CDH18: variants seen among roughly 807,000 people sequenced by gnomAD.
The protein encoded by CDH18 is cadherin 18.
A neutral mutation model predicts 67.9 loss-of-function variants in CDH18; 31 were observed. The observed-to-expected ratio is 0.46, with a 90% CI of 0.34 to 0.62. The LOEUF is 0.62. Ranked by LOEUF, CDH18 falls within the 20% of genes least tolerant of loss-of-function variation. The probability of loss-of-function intolerance (pLI) is 0.01; values close to 1 mark genes in which losing one functional copy is unlikely to be tolerated. For synonymous variants in CDH18, 362 were observed against 347.2 expected (o/e 1.04, Z -0.48); for missense variants, 890 against 975.5 (o/e 0.91, Z 1.17).
intron 3 of CDH18, among the ~76,000 whole-genome samples, chr5:19,787,560 T>C (rs2149802403): frequency 6.6e-6 from 1 of 152,240 alleles, no homozygotes; most frequent in African/African-American, 2.4e-5. Context: ...CATAGGAAGG[T>C]ACATGTGCAT....
intron 1 of CDH18, among the ~76,000 whole-genome samples, chr5:20,533,524 C>T (rs932431862): frequency 3.3e-5 from 5 of 152,112 alleles, no homozygotes; most frequent in Admixed American, 6.6e-5. Context: ...TAGAACAAAA[C>T]GTGCTGATTT....
chr5:19,489,691 A>G (rs1410156603), intron 11 of CDH18, among the ~76,000 whole-genome samples: 1 of 152,218 alleles, frequency 6.6e-6, no homozygotes, highest in Admixed American at 6.5e-5. Flanking sequence ...TTTTTAAAAA[A>G]AAGTATTTTA....
intron 2 of CDH18, among the ~76,000 whole-genome samples, chr5:20,040,277 A>G (rs1740304251): frequency 6.6e-6 from 1 of 152,136 alleles, no homozygotes; most frequent in East Asian, 1.9e-4. Flanking sequence ...CAGAACATAA[A>G]GAATAATATT....
chr5:20,133,266 T>C (rs1033843891), intron 2 of CDH18, among the ~76,000 whole-genome samples: 19 of 152,228 alleles, frequency 1.2e-4, no homozygotes, highest in Non-Finnish European at 2.4e-4. Context: ...TTCCACATGG[T>C]TGGGGAGGCC....
intron 8 of CDH18, among the ~76,000 whole-genome samples, chr5:19,559,474 A>G (rs1739046472): frequency 6.6e-6 from 1 of 152,062 alleles, no homozygotes; most frequent in Non-Finnish European, 1.5e-5. Flanking sequence ...AAAATCCAGC[A>G]TCCTTTTATG....
intron 1 of CDH18, among the ~76,000 whole-genome samples, chr5:20,259,910 T>A (rs1047477836): frequency 2.0e-5 from 3 of 151,940 alleles, no homozygotes; most frequent in Admixed American, 2.0e-4. Flanking sequence ...TTTAAAATAA[T>A]TGGCCTTTCC....
At chr5:20,496,132 C>T (rs1231469199) in intron 1 of CDH18, among the ~76,000 whole-genome samples, 1 of 152,026 alleles carries the variant, frequency 6.6e-6, no homozygotes, top group East Asian at 1.9e-4. Context: ...GATTGAAAAA[C>T]ACACCATATA....
chr5:20,468,747 A>G (rs73764065), intron 1 of CDH18, among the ~76,000 whole-genome samples: 1,889 of 152,298 alleles, frequency 0.012, 41 homozygotes, highest in South Asian at 0.048. Flanking sequence ...TATAATTCAG[A>G]AACTTAAATT....
intron 6 of CDH18, among the ~76,000 whole-genome samples, chr5:19,596,707 G>T (rs1475012850): frequency 2.0e-5 from 3 of 152,128 alleles, no homozygotes; most frequent in East Asian, 1.9e-4. Context: ...ATATGAAACA[G>T]ATTCCTGGTA....
At chr5:20,182,293 C>A (rs1327737380) in intron 2 of CDH18, among the ~76,000 whole-genome samples, 1 of 151,766 alleles carries the variant, frequency 6.6e-6, no homozygotes, top group African/African-American at 2.4e-5. Flanking sequence ...TTGAATGTCC[C>A]CAAAATTTAT....
intron 3 of CDH18, among the ~76,000 whole-genome samples, chr5:19,815,514 C>G (rs1779195015): frequency 6.6e-6 from 1 of 151,648 alleles, no homozygotes. Context: ...CTCTCTTTAA[C>G]CTAAAATTCA....
At chr5:20,238,447 T>A (rs1295055135) in intron 2 of CDH18, among the ~76,000 whole-genome samples, 1 of 152,106 alleles carries the variant, frequency 6.6e-6, no homozygotes, top group Non-Finnish European at 1.5e-5. Context: ...AAGATATATG[T>A]AGGCAAATAT....
At chr5:20,018,826 G>A (rs1006668691) in intron 2 of CDH18, among the ~76,000 whole-genome samples, 8 of 148,206 alleles carry the variant, frequency 5.4e-5, no homozygotes, top group Non-Finnish European at 8.9e-5. Flanking sequence ...ACGGAGTTTC[G>A]CTCTGTCGCC....
chr5:19,646,259 A>C (rs893720712), intron 5 of CDH18, among the ~76,000 whole-genome samples: 1 of 152,256 alleles, frequency 6.6e-6, no homozygotes, highest in Non-Finnish European at 1.5e-5. Context: ...TAAGACTGGG[A>C]TGCAGATAAA....
At chr5:20,512,205 A>G (rs1035055966) in intron 1 of CDH18, among the ~76,000 whole-genome samples, 1 of 152,162 alleles carries the variant, frequency 6.6e-6, no homozygotes, top group Non-Finnish European at 1.5e-5. Flanking sequence ...CTTGGGCAAC[A>G]GAGTGAGACT....
intron 1 of CDH18, among the ~76,000 whole-genome samples, chr5:20,453,311 G>A (rs1037811337): frequency 2.0e-5 from 3 of 152,104 alleles, no homozygotes; most frequent in Non-Finnish European, 2.9e-5. Flanking sequence ...TTAAACTGAT[G>A]TAATATGAGC....
chr5:20,410,582 A>G (rs796441249), intron 1 of CDH18, among the ~76,000 whole-genome samples: 47 of 151,764 alleles, frequency 3.1e-4, no homozygotes, highest in African/African-American at 1.0e-3. Context: ...TATTCTTCCA[A>G]CATCAGAAAC....
At chr5:19,909,405 T>A (rs1477624010) in intron 2 of CDH18, among the ~76,000 whole-genome samples, 4 of 151,568 alleles carry the variant, frequency 2.6e-5, no homozygotes, top group Non-Finnish European at 4.4e-5. Context: ...GTTCAAGTGA[T>A]TCTCCTGACT....
intron 4 of CDH18, among the ~76,000 whole-genome samples, chr5:19,742,669 G>T (rs2150708846): frequency 6.6e-6 from 1 of 151,844 alleles, no homozygotes; most frequent in Admixed American, 6.6e-5. Flanking sequence ...AAAGATAGTG[G>T]TCTTGTTTCA....
Sources: gnomAD v4.1 joint callset for allele counts (sites outside exome capture counted in the v4.1 genomes callset) on GRCh38, gnomAD v4.1.1 for gene constraint, MANE v1.5 for transcripts, NCBI Gene and HGNC (gene_info 2026-07-23, HGNC 2026-07-21) for gene names.